Variants in DLGAP3 observed in about 807,000 individuals in gnomAD.
The protein encoded by DLGAP3 is DLG associated protein 3, also known as disks large-associated protein 3.
In DLGAP3, 17 loss-of-function variants were observed where a neutral mutation model predicts 81.2. That is an observed-to-expected ratio of 0.21 (90% CI 0.14 to 0.31). The LOEUF (loss-of-function observed/expected upper bound fraction) is 0.31, where lower values mean the gene tolerates loss of function less well. Ranked by LOEUF, DLGAP3 falls within the 10% of genes least tolerant of loss-of-function variation. The pLI is 1.00. For synonymous variants in DLGAP3, 577 were observed against 587.4 expected (o/e 0.98, Z 0.26); for missense variants, 1,124 against 1,388.0 (o/e 0.81, Z 3.02).
Position 34,925,193 on chromosome 1 carries a change from C to G in DLGAP3, c.-135+4258G>C, listed in dbSNP as rs80294823. ...CGGGGGCACCTGACAACCCCCCCCCCACCTTCCCTCTATGTCCCAAGAGAG... is the reference window on the plus strand; with the variant it reads ...CGGGGGCACCTGACAACCCCCCCCCGACCTTCCCTCTATGTCCCAAGAGAG... On this transcript the variant is annotated intron_variant, in intron 1 of 11. Transcript: ENST00000373347. Among the ~76,000 whole-genome samples the G allele has an allele frequency of 7.7e-4, 113 of 146,502 alleles. No homozygotes were observed. The East Asian group carries it at 0.017, about 21-fold the overall frequency.
chr1:34,867,572 C>T lies in DLGAP3; in HGVS notation c.2541G>A (p.Lys847=). The T allele has an allele frequency of 6.2e-7, 1 of 1,614,140 alleles. No homozygotes were observed. ...VGSTQLLLSQ[K]VQQFFRLCQQ... ...GACACAGCCGGAAGAACTGCTGAAC[C>T]TTCTGGGACAGGAGAAGTTGTGTGC... Residue 847 remains lysine, a synonymous_variant, in exon 10 of 12, where the codon AAG becomes AAA. Transcript: ENST00000373347. This position sits in a 1 kb window ranked among gnomAD's most constrained non-coding sequence, Gnocchi z 4.3.
At chr1:34,874,415 T>C (rs1344844232) in intron 8 of DLGAP3, among the ~76,000 whole-genome samples, 3 of 152,228 alleles carry the variant, frequency 2.0e-5, no homozygotes, top group Admixed American at 6.5e-5. Context: ...TATGTCGCTA[T>C]TTAGTTTTGG....
chr1:34,898,821 T>TA (rs763687463), intron 5 of DLGAP3, among the ~76,000 whole-genome samples: 3 of 152,186 alleles, frequency 2.0e-5, no homozygotes, highest in Admixed American at 6.5e-5. Flanking sequence ...AGTCTACACT[T>TA]AGATATGGAA....
intron 8 of DLGAP3, among the ~76,000 whole-genome samples, chr1:34,874,118 G>T (rs1443435640): frequency 6.6e-6 from 1 of 152,272 alleles, no homozygotes; most frequent in East Asian, 1.9e-4. Context: ...CCGATCACCA[G>T]AATGCAGACA....
Position 34,900,713 on chromosome 1 carries a change from A to G in DLGAP3, c.1108-440T>C, listed in dbSNP as rs1639445116. Among the ~76,000 whole-genome samples, 1 of 152,156 alleles carries G rather than the reference A, an allele frequency of 6.6e-6. No homozygotes were observed. Among genetic ancestry groups the G allele is most frequent in the Non-Finnish European group, 1.5e-5 (1 of 68,024 alleles). Reference sequence around the variant, plus strand: ...ACAGAGGGCTTCATGCAGGGGAGTGACATCAGATTTGTGTTGCAGAAAGAG... The same window carrying G: ...ACAGAGGGCTTCATGCAGGGGAGTGGCATCAGATTTGTGTTGCAGAAAGAG... On this transcript the variant is annotated intron_variant, in intron 3 of 11. Coordinates refer to ENST00000373347, the MANE Select transcript of DLGAP3 (RefSeq NM_001080418.3). The surrounding 1 kb of genome is among the most constrained non-coding windows in gnomAD (Gnocchi z 5.6).
chr1:34,890,106 C>T (rs539049120), intron 5 of DLGAP3, among the ~76,000 whole-genome samples: 1 of 152,192 alleles, frequency 6.6e-6, no homozygotes, highest in Admixed American at 6.5e-5. Context: ...ACAGGGATGG[C>T]GGGAAGGGAA....
rs1484836674 is a variant in DLGAP3, at chr1:34,867,567, T to G, written c.2546A>C (p.Gln849Pro). ...STQLLLSQKV[Q>P]QFFRLCQQSM... ...TTGCTGACACAGCCGGAAGAACTGC[T>G]GAACCTTCTGGGACAGGAGAAGTTG... Residue 849 changes from glutamine (Q) to proline (P), a missense_variant, in exon 10 of 12, where the codon CAG (glutamine) becomes CCG (proline). Gln to Pro is a moderately conservative substitution (Grantham distance 76). Around this residue, in one of 9 missense-constraint regions of DLGAP3, gnomAD observed 5 missense variants for 29.5 expected, o/e 0.17. Coordinates refer to ENST00000373347, the MANE Select transcript of DLGAP3 (RefSeq NM_001080418.3). This position sits in a 1 kb window ranked among gnomAD's most constrained non-coding sequence, Gnocchi z 4.3. The G allele has an allele frequency of 6.2e-7, 1 of 1,614,026 alleles. No homozygotes were observed. Among genetic ancestry groups the G allele is most frequent in the Non-Finnish European group, 8.5e-7 (1 of 1,180,006 alleles).
chr1:34,920,713 T>C (rs1294192611), intron 1 of DLGAP3, among the ~76,000 whole-genome samples: 2 of 152,212 alleles, frequency 1.3e-5, no homozygotes, highest in Non-Finnish European at 2.9e-5. Context: ...GGCTGCCGGC[T>C]AGCTAAAATT....
chr1:34,872,886 C>A (rs771584056), intron 8 of DLGAP3, among the ~76,000 whole-genome samples: 39 of 152,066 alleles, frequency 2.6e-4, no homozygotes, highest in Non-Finnish European at 5.0e-4. Flanking sequence ...GAGACTCTGA[C>A]CCCAGATAAT....
At position 34,912,977 on chromosome 1, in the gene DLGAP3, C is replaced by T. The variant is rs16837122; in HGVS notation, c.-134-5540G>A. 2.4e-4 allele frequency among the ~76,000 whole-genome samples: 36 copies of T among 152,226 alleles called. 1 individual carries two copies. The East Asian group carries it at 6.6e-3, about 28-fold the overall frequency. ...TTTGCCCAGATGCCTGTGGCAGGAT[C>T]TCTGTAGTTGGGCTGGTGTCCTAGT... On this transcript the variant is annotated intron_variant, in intron 1 of 11. Coordinates refer to ENST00000373347, the MANE Select transcript of DLGAP3 (RefSeq NM_001080418.3).
At chr1:34,871,204 A>G (rs1356947465) in intron 8 of DLGAP3, among the ~76,000 whole-genome samples, 2 of 152,102 alleles carry the variant, frequency 1.3e-5, no homozygotes, top group Non-Finnish European at 2.9e-5. Flanking sequence ...CTGTACCAGC[A>G]TTATCTGAGG....
intron 1 of DLGAP3, among the ~76,000 whole-genome samples, chr1:34,907,870 G>A (rs761617671): frequency 1.3e-5 from 2 of 152,196 alleles, no homozygotes; most frequent in African/African-American, 2.4e-5. Flanking sequence ...TCACGTGACA[G>A]AGTTATTTCA....
intron 8 of DLGAP3, among the ~76,000 whole-genome samples, chr1:34,874,043 T>C (rs1404935221): frequency 6.6e-6 from 1 of 152,242 alleles, no homozygotes; most frequent in Non-Finnish European, 1.5e-5. Context: ...AGAAGTGGCA[T>C]GTGCAACTTC....
At chr1:34,875,978 T>C (rs1043960547) in intron 8 of DLGAP3, among the ~76,000 whole-genome samples, 6 of 152,274 alleles carry the variant, frequency 3.9e-5, no homozygotes, top group Non-Finnish European at 7.3e-5. Context: ...CGCTCCTTTG[T>C]GGCAGCCGGC....
chr1:34,902,963 G>A lies in DLGAP3; in HGVS notation c.1107+1314C>T, dbSNP rs1639486149. 6.6e-6 allele frequency among the ~76,000 whole-genome samples: 1 copy of A among 152,046 alleles called. No homozygotes were observed. On this transcript the variant is annotated intron_variant, in intron 3 of 11. Coordinates refer to ENST00000373347, the MANE Select transcript of DLGAP3 (RefSeq NM_001080418.3). The surrounding 1 kb of genome is among the most constrained non-coding windows in gnomAD (Gnocchi z 4.4). ...TAGAGCACCTCCCTACCCAGGGAGG[G>A]GGCAAACCAGGCCAATCCAGAAGTC...
At chr1:34,913,427 A>G (rs1639668774) in intron 1 of DLGAP3, among the ~76,000 whole-genome samples, 1 of 152,140 alleles carries the variant, frequency 6.6e-6, no homozygotes, top group South Asian at 2.1e-4. Context: ...TCTGCCCCAG[A>G]TATTCCCATG....
At chr1:34,925,081 CAGGA>C (rs1639848636) in intron 1 of DLGAP3, among the ~76,000 whole-genome samples, 1 of 152,112 alleles carries the variant, frequency 6.6e-6, no homozygotes, top group Non-Finnish European at 1.5e-5. Flanking sequence ...CCCAGGATGC[CAGGA>C]AGGAACAGGT....
At chr1:34,897,631 G>T (rs190673419) in intron 5 of DLGAP3, among the ~76,000 whole-genome samples, 1 of 152,282 alleles carries the variant, frequency 6.6e-6, no homozygotes, top group East Asian at 1.9e-4. Flanking sequence ...GCAACGTGAG[G>T]GTTTTGAACA....
chr1:34,874,138 G>A (rs572547123), intron 8 of DLGAP3, among the ~76,000 whole-genome samples: 2 of 152,248 alleles, frequency 1.3e-5, no homozygotes, highest in Admixed American at 1.3e-4. Context: ...ATGATGGCTG[G>A]ACCTCAAGCA....
Sources: allele counts gnomAD v4.1 joint callset (sites outside exome capture counted in the v4.1 genomes callset), GRCh38; gene constraint gnomAD v4.1.1; regional missense constraint gnomAD v4.1.1; non-coding constraint Gnocchi (gnomAD v3.1); transcripts MANE v1.5; gene names NCBI Gene and HGNC (gene_info 2026-07-23, HGNC 2026-07-21).